The following GPC5 variants were observed in gnomAD, a reference collection of about 807,000 sequenced individuals.
GPC5 encodes glypican-5.
GPC5 carries 47 observed loss-of-function variants against 53.9 expected under a neutral mutation model. That is an observed-to-expected ratio of 0.87 (90% CI 0.69 to 1.11). GPC5 has a LOEUF of 1.11. Ranked by LOEUF, GPC5 falls within the 50% of genes most tolerant of loss-of-function variation. The pLI, the probability that GPC5 is intolerant of heterozygous loss-of-function variation, is 0.00. For synonymous variants in GPC5, 286 were observed against 263.3 expected (o/e 1.09, Z -0.84); for missense variants, 748 against 713.1 (o/e 1.05, Z -0.56).
At chr13:91,440,111 T>G (rs79662225) in intron 1 of GPC5, among the ~76,000 whole-genome samples, 1 of 152,314 alleles carries the variant, frequency 6.6e-6, no homozygotes, top group African/African-American at 2.4e-5. Flanking sequence ...GCTTCTTAAA[T>G]TTGTTAATTT....
chr13:92,090,800 G>A (rs2041374033), intron 6 of GPC5, among the ~76,000 whole-genome samples: 1 of 152,150 alleles, frequency 6.6e-6, no homozygotes. Flanking sequence ...TTGTGCCTGA[G>A]TTTTAATAAG....
intron 6 of GPC5, among the ~76,000 whole-genome samples, chr13:92,010,587 A>T (rs1224378361): frequency 6.6e-6 from 1 of 152,150 alleles, no homozygotes; most frequent in Non-Finnish European, 1.5e-5. Context: ...TTAAGGTTAA[A>T]TGAGTTTATA....
At chr13:92,248,215 A>G (rs928639147) in intron 7 of GPC5, among the ~76,000 whole-genome samples, 1 of 146,882 alleles carries the variant, frequency 6.8e-6, no homozygotes, top group South Asian at 2.2e-4. Context: ...AAAAAAAAAA[A>G]CAGATTTTTA....
chr13:92,752,767 C>T (rs1285465626), intron 7 of GPC5, among the ~76,000 whole-genome samples: 1 of 152,164 alleles, frequency 6.6e-6, no homozygotes, highest in East Asian at 1.9e-4. Flanking sequence ...CACCCGAATA[C>T]TGCACTTTTC....
chr13:91,512,205 G>A (rs768318730), intron 2 of GPC5, among the ~76,000 whole-genome samples: 19 of 152,172 alleles, frequency 1.2e-4, no homozygotes, highest in Non-Finnish European at 2.4e-4. Context: ...CAAAGTTCAC[G>A]AGGCTAATTC....
chr13:92,512,253 C>CGCGCGCGCGCGCGTACGCTGTGTGCAT (rs1880598128), intron 7 of GPC5, among the ~76,000 whole-genome samples: 1 of 131,752 alleles, frequency 7.6e-6, no homozygotes, highest in African/African-American at 2.6e-5. Context: ...TGTGTGTGCG[C>CGCGCGCGCGCGCGTACGCTGTGTGCAT]GCGCGCGCGC....
intron 2 of GPC5, among the ~76,000 whole-genome samples, chr13:91,512,505 C>G (rs1010643554): frequency 6.6e-6 from 1 of 152,182 alleles, no homozygotes; most frequent in Non-Finnish European, 1.5e-5. Flanking sequence ...GCTATTCTGC[C>G]CTGCTCCTGA....
chr13:92,361,089 A>G (rs879715551), intron 7 of GPC5, among the ~76,000 whole-genome samples: 9 of 151,848 alleles, frequency 5.9e-5, no homozygotes, highest in Admixed American at 5.2e-4. Flanking sequence ...AAATGCAGCC[A>G]TTGTCGCTGA....
At chr13:91,726,896 C>T (rs2140000929) in intron 3 of GPC5, among the ~76,000 whole-genome samples, 1 of 152,296 alleles carries the variant, frequency 6.6e-6, no homozygotes, top group South Asian at 2.1e-4. Context: ...GCCTGCATTC[C>T]ATTTGCTCTC....
chr13:92,129,377 TAGAGA>T (rs762742906), intron 6 of GPC5, among the ~76,000 whole-genome samples: 1 of 152,204 alleles, frequency 6.6e-6, no homozygotes, highest in Non-Finnish European at 1.5e-5. Flanking sequence ...ATCTTCTCAT[TAGAGA>T]AAAGTGGGAA....
At chr13:92,820,259 T>C (rs889239698) in intron 7 of GPC5, among the ~76,000 whole-genome samples, 1 of 152,156 alleles carries the variant, frequency 6.6e-6, no homozygotes, top group Non-Finnish European at 1.5e-5. Flanking sequence ...AACCTTTTAA[T>C]CCGTAAATCA....
intron 3 of GPC5, among the ~76,000 whole-genome samples, chr13:91,696,918 C>A (rs2035890652): frequency 1.3e-5 from 2 of 152,172 alleles, no homozygotes; most frequent in African/African-American, 4.8e-5. Flanking sequence ...TTGGATTTCA[C>A]ATCTGTCTCT....
At chr13:91,728,120 G>C (rs994243538) in intron 3 of GPC5, among the ~76,000 whole-genome samples, 1 of 151,984 alleles carries the variant, frequency 6.6e-6, no homozygotes, top group Admixed American at 6.6e-5. Flanking sequence ...TTTGGCCTTG[G>C]AATTCATTTA....
At chr13:91,606,837 C>A (rs2033384034) in intron 2 of GPC5, among the ~76,000 whole-genome samples, 1 of 151,792 alleles carries the variant, frequency 6.6e-6, no homozygotes, top group Non-Finnish European at 1.5e-5. Flanking sequence ...CTATTTGATT[C>A]TTCTCTCTTT....
chr13:92,132,831 C>T (rs937873801), intron 6 of GPC5, among the ~76,000 whole-genome samples: 15 of 151,902 alleles, frequency 9.9e-5, no homozygotes, highest in African/African-American at 3.4e-4. Context: ...TTTAAAATCC[C>T]AAAATTAGCC....
At chr13:91,580,656 T>C (rs927126167) in intron 2 of GPC5, among the ~76,000 whole-genome samples, 3 of 152,230 alleles carry the variant, frequency 2.0e-5, no homozygotes, top group Non-Finnish European at 4.4e-5. Flanking sequence ...ACTGAGAATG[T>C]TATTATGACA....
intron 7 of GPC5, among the ~76,000 whole-genome samples, chr13:92,304,873 C>G (rs1161412823): frequency 6.6e-6 from 1 of 152,052 alleles, no homozygotes; most frequent in African/African-American, 2.4e-5. Flanking sequence ...CTTATGATTT[C>G]AAAAATCCAT....
At chr13:91,406,975 T>G (rs1877372785) in intron 1 of GPC5, among the ~76,000 whole-genome samples, 1 of 152,232 alleles carries the variant, frequency 6.6e-6, no homozygotes, top group African/African-American at 2.4e-5. Context: ...TTAAATATAT[T>G]TCTTTCTTTT....
intron 6 of GPC5, among the ~76,000 whole-genome samples, chr13:91,916,603 A>T (rs912220686): frequency 1.3e-5 from 2 of 152,184 alleles, no homozygotes; most frequent in African/African-American, 4.8e-5. Context: ...ATGTTGTATT[A>T]GGTTTGTTCT....
Sources: gnomAD v4.1 joint callset for allele counts (sites outside exome capture counted in the v4.1 genomes callset) on GRCh38, gnomAD v4.1.1 for gene constraint, MANE v1.5 for transcripts, NCBI Gene and HGNC (gene_info 2026-07-23, HGNC 2026-07-21) for gene names.